Variants in ADAMTSL1 observed in about 807,000 individuals in gnomAD.
ADAMTSL1 encodes the protein ADAMTS-like protein 1.
A neutral mutation model predicts 201.8 loss-of-function variants in ADAMTSL1; 126 were observed. The ratio of observed to expected loss-of-function variants is 0.62; its 90% CI spans 0.54 to 0.72. The LOEUF is 0.72. Ranked by LOEUF, ADAMTSL1 falls within the 30% of genes least tolerant of loss-of-function variation. The pLI is 0.00. For synonymous variants in ADAMTSL1, 1,121 were observed against 903.4 expected (o/e 1.24, Z -4.32); for missense variants, 2,679 against 2,277.8 (o/e 1.18, Z -3.59).
intron 1 of ADAMTSL1, among the ~76,000 whole-genome samples, chr9:18,133,299 G>T (rs899315812): frequency 1.3e-5 from 2 of 152,088 alleles, no homozygotes; most frequent in African/African-American, 4.8e-5. Context: ...GCAGTGAGGG[G>T]TCACCTCAGC....
intron 19 of ADAMTSL1, 126 bp downstream of exon 19, chr9:18,778,032 C>T: frequency 1.6e-6 from 2 of 1,227,842 alleles, no homozygotes; most frequent in Non-Finnish European, 2.2e-6. Context: ...TCGGGGACCC[C>T]ATCATGGGGT....
intron 14 of ADAMTSL1, among the ~76,000 whole-genome samples, chr9:18,711,376 T>C (rs1832581891): frequency 6.6e-6 from 1 of 152,176 alleles, no homozygotes; most frequent in African/African-American, 2.4e-5. Flanking sequence ...TGGGCGCAGG[T>C]CAGTGGGTGA....
intron 2 of ADAMTSL1, among the ~76,000 whole-genome samples, chr9:18,340,652 G>T (rs1023930356): frequency 2.6e-5 from 4 of 152,108 alleles, no homozygotes; most frequent in Non-Finnish European, 5.9e-5. Flanking sequence ...ATGGGGATGG[G>T]TTTTTCCCAT....
intron 1 of ADAMTSL1, among the ~76,000 whole-genome samples, chr9:17,940,804 C>CA (rs1554667531): frequency 2.0e-5 from 1 of 48,884 alleles, no homozygotes; most frequent in Non-Finnish European, 4.0e-5. Context: ...TAAATAACAC[C>CA]CCCCCCCCAA....
chr9:18,182,317 T>A (rs1007838606), intron 2 of ADAMTSL1, among the ~76,000 whole-genome samples: 2 of 151,218 alleles, frequency 1.3e-5, no homozygotes, highest in Non-Finnish European at 2.9e-5. Context: ...TAGATAGTGG[T>A]CATGATTACA....
chr9:18,085,341 A>G (rs1407896508), intron 1 of ADAMTSL1, among the ~76,000 whole-genome samples: 3 of 152,032 alleles, frequency 2.0e-5, no homozygotes, highest in Non-Finnish European at 4.4e-5. Context: ...CTCCTCTTTG[A>G]AGAAAGTAAT....
rs978623210 is a variant in ADAMTSL1, at chr9:18,823,685, T to C, written c.3935-2599T>C. Among the ~76,000 whole-genome samples the C allele has an allele frequency of 2.0e-5, 3 of 151,988 alleles. No homozygotes were observed. The East Asian group carries it at 5.8e-4, about 29-fold the overall frequency. On this transcript the variant is annotated intron_variant, in intron 21 of 28. Transcript: ENST00000380548. ...AGCAATGTGAGGGAAAGAGGATGAATAATGGTAGAAAATGGTTTGCAGGGC... is the reference window on the plus strand; with the variant it reads ...AGCAATGTGAGGGAAAGAGGATGAACAATGGTAGAAAATGGTTTGCAGGGC...
chr9:18,156,291 C>A (rs1024648796), intron 1 of ADAMTSL1, among the ~76,000 whole-genome samples: 3 of 151,850 alleles, frequency 2.0e-5, no homozygotes, highest in Admixed American at 2.0e-4. Context: ...ATCTTTATGG[C>A]CATGAAAGGA....
At chr9:18,692,763 G>A (rs1197692703) in intron 13 of ADAMTSL1, among the ~76,000 whole-genome samples, 1 of 152,186 alleles carries the variant, frequency 6.6e-6, no homozygotes, top group African/African-American at 2.4e-5. Context: ...AAAATGTTAT[G>A]CATTTAAACT....
intron 1 of ADAMTSL1, among the ~76,000 whole-genome samples, chr9:18,010,013 G>A (rs1819987348): frequency 6.6e-6 from 1 of 151,902 alleles, no homozygotes; most frequent in Non-Finnish European, 1.5e-5. Context: ...CAATGATATG[G>A]GAAATTTAAA....
intron 13 of ADAMTSL1, among the ~76,000 whole-genome samples, chr9:18,702,881 G>A (rs1832002668): frequency 6.6e-6 from 1 of 151,730 alleles, no homozygotes; most frequent in South Asian, 2.1e-4. Flanking sequence ...TCCTGCCTCA[G>A]CCTCCCGAGT....
At chr9:18,061,461 G>C (rs968847961) in intron 1 of ADAMTSL1, among the ~76,000 whole-genome samples, 7 of 152,138 alleles carry the variant, frequency 4.6e-5, no homozygotes, top group African/African-American at 1.7e-4. Context: ...CAAAATTGAT[G>C]TGAAGATCAA....
chr9:18,421,544 A>T (rs1466594935), intron 2 of ADAMTSL1, among the ~76,000 whole-genome samples: 3 of 152,218 alleles, frequency 2.0e-5, no homozygotes, highest in African/African-American at 7.2e-5. Context: ...AGCTGTAAAA[A>T]GCTTCCCATG....
chr9:18,153,210 A>T (rs1015198698), intron 1 of ADAMTSL1, among the ~76,000 whole-genome samples: 3 of 152,022 alleles, frequency 2.0e-5, no homozygotes, highest in Admixed American at 1.3e-4. Context: ...GACAACCCAA[A>T]CAGGGGATAG....
chr9:18,172,170 T>G (rs1278711699), intron 2 of ADAMTSL1, among the ~76,000 whole-genome samples: 2 of 151,806 alleles, frequency 1.3e-5, no homozygotes, highest in Non-Finnish European at 2.9e-5. Context: ...GAGAAATACT[T>G]AATGTAGATG....
chr9:18,352,137 C>G (rs973544192), intron 2 of ADAMTSL1, among the ~76,000 whole-genome samples: 2 of 152,066 alleles, frequency 1.3e-5, no homozygotes, highest in African/African-American at 4.8e-5. Flanking sequence ...AAATACACAG[C>G]TGTAGCTTCT....
At chr9:18,857,481 A>G (rs960525294) in intron 23 of ADAMTSL1, among the ~76,000 whole-genome samples, 4 of 152,194 alleles carry the variant, frequency 2.6e-5, no homozygotes, top group Admixed American at 2.6e-4. Flanking sequence ...ATGTTTCCAC[A>G]TGATTAGATG....
intron 26 of ADAMTSL1, among the ~76,000 whole-genome samples, chr9:18,895,354 A>T (rs972161009): frequency 1.3e-5 from 2 of 152,232 alleles, no homozygotes; most frequent in African/African-American, 4.8e-5. Flanking sequence ...GCAACCAAGC[A>T]AACAGCCAAT....
chr9:18,210,960 A>T (rs2132315152), intron 2 of ADAMTSL1, among the ~76,000 whole-genome samples: 1 of 152,012 alleles, frequency 6.6e-6, no homozygotes, highest in South Asian at 2.1e-4. Context: ...ACATTGTGAT[A>T]AGTTCTATTA....
Sources: allele counts gnomAD v4.1 joint callset (sites outside exome capture counted in the v4.1 genomes callset), GRCh38; gene constraint gnomAD v4.1.1; transcripts MANE v1.5; gene names NCBI Gene and HGNC (gene_info 2026-07-23, HGNC 2026-07-21).